The following ELMO1 variants were observed in gnomAD, a reference collection of about 807,000 sequenced individuals.
ELMO1 encodes the protein engulfment and cell motility protein 1.
In ELMO1, 26 loss-of-function variants were observed where a neutral mutation model predicts 98.9. The ratio of observed to expected loss-of-function variants is 0.26; its 90% confidence interval spans 0.19 to 0.36. The LOEUF (loss-of-function observed/expected upper bound fraction) is 0.36. Among genes scored for constraint, ELMO1 ranks in the 10% least tolerant of loss-of-function variants. The pLI, the probability that ELMO1 is intolerant of heterozygous loss-of-function variation, is 1.00. For missense variants in ELMO1, 627 were observed against 935.2 expected (o/e 0.67, Z 4.30); for synonymous variants, 346 against 346.0 (o/e 1.00, Z 0.00).
intron 16 of ELMO1, among the ~76,000 whole-genome samples, chr7:37,000,101 C>T (rs1041808572): frequency 6.6e-6 from 1 of 152,138 alleles, no homozygotes; most frequent in Non-Finnish European, 1.5e-5. Context: ...TAAAACAAGC[C>T]AAGAACCTTT....
At chr7:37,407,377 G>A (rs895578388) in intron 1 of ELMO1, among the ~76,000 whole-genome samples, 4 of 152,116 alleles carry the variant, frequency 2.6e-5, no homozygotes, top group Non-Finnish European at 4.4e-5. Context: ...GCGTGATGGT[G>A]GGTGCCTGTA....
intron 14 of ELMO1, among the ~76,000 whole-genome samples, chr7:37,114,452 G>A (rs1005122814): frequency 1.3e-5 from 2 of 152,120 alleles, no homozygotes; most frequent in African/African-American, 4.8e-5. Context: ...TTGGTAACTG[G>A]GTCTTAATGG....
chr7:36,876,472 T>G (rs1803992150), intron 19 of ELMO1, among the ~76,000 whole-genome samples: 1 of 152,126 alleles, frequency 6.6e-6, no homozygotes, highest in Non-Finnish European at 1.5e-5. Flanking sequence ...TTTTTAAAAT[T>G]ATTAGTGAAA....
intron 1 of ELMO1, among the ~76,000 whole-genome samples, chr7:37,381,040 G>A (rs1802558296): frequency 6.6e-6 from 1 of 152,066 alleles, no homozygotes. Flanking sequence ...CATGAAACAA[G>A]AAGACAGGGC....
chr7:37,188,056 A>C (rs1415411627), intron 13 of ELMO1, among the ~76,000 whole-genome samples: 2 of 152,088 alleles, frequency 1.3e-5, no homozygotes, highest in Non-Finnish European at 2.9e-5. Flanking sequence ...GGGTGCATTA[A>C]AATCTTGTCT....
intron 21 of ELMO1, among the ~76,000 whole-genome samples, chr7:36,858,632 A>C (rs151168930): frequency 1.8e-3 from 273 of 152,222 alleles, no homozygotes; most frequent in African/African-American, 6.4e-3. Flanking sequence ...GTAATCCCAA[A>C]GGTCCTTAAA....
At chr7:37,384,227 T>C (rs1194347606) in intron 1 of ELMO1, among the ~76,000 whole-genome samples, 1 of 152,234 alleles carries the variant, frequency 6.6e-6, no homozygotes, top group Admixed American at 6.5e-5. Context: ...TACAGATTAT[T>C]ACCTCTTTTA....
chr7:36,992,755 A>T (rs956657268), intron 16 of ELMO1, among the ~76,000 whole-genome samples: 4 of 152,206 alleles, frequency 2.6e-5, no homozygotes, highest in African/African-American at 9.6e-5. Flanking sequence ...CTACCTTTTG[A>T]GAAAAAAACT....
At chr7:37,082,431 C>T (rs1235604628) in intron 15 of ELMO1, among the ~76,000 whole-genome samples, 3 of 152,226 alleles carry the variant, frequency 2.0e-5, no homozygotes, top group East Asian at 1.9e-4. Context: ...CAGCCAGGTA[C>T]GGTGGCTCAT....
In ELMO1 at chr7:36,971,367, T is replaced by G. The variant is rs150887284; in HGVS notation, c.1437+41932A>C. On this transcript the variant is annotated intron_variant, in intron 16 of 21. Transcript: ENST00000310758. The stretch of plus-strand genomic sequence containing the variant: ...AAGCCTCCCTTTGAAAGAGGTCTAT[T>G]AAACAACCATCCCAAAGGATACACT... Among the ~76,000 whole-genome samples, 15 of 152,334 alleles carry G rather than the reference T, an allele frequency of 9.8e-5. No individual in the cohort carries two copies. The East Asian group carries it at 2.1e-3, about 22-fold the overall frequency.
At chr7:37,245,829 AG>A (rs1351213990) in intron 6 of ELMO1, among the ~76,000 whole-genome samples, 1 of 152,170 alleles carries the variant, frequency 6.6e-6, no homozygotes, top group Non-Finnish European at 1.5e-5. Context: ...ACAGGTCAAA[AG>A]GACACAGAAG....
intron 13 of ELMO1, among the ~76,000 whole-genome samples, chr7:37,158,914 C>T (rs1044109039): frequency 6.6e-6 from 1 of 152,096 alleles, no homozygotes; most frequent in Non-Finnish European, 1.5e-5. Flanking sequence ...AAATATCCAT[C>T]AATAATAGAC....
rs186059493 is a variant in ELMO1, at chr7:37,272,098, A to T, written c.193-216T>A. Among the ~76,000 whole-genome samples, 534 of 152,330 alleles carry T rather than the reference A, an allele frequency of 3.5e-3. 4 individuals carry two copies. Among genetic ancestry groups the T allele is most frequent in the Non-Finnish European group, 5.8e-3 (395 of 68,024 alleles). Reference sequence around the variant, plus strand: ...CCCAAAGAAAAGGAATATGGGTCCCAAGTATAGCAAACAAAAAAAGTAATT... The same window carrying T: ...CCCAAAGAAAAGGAATATGGGTCCCTAGTATAGCAAACAAAAAAAGTAATT... On this transcript the variant is annotated intron_variant, in intron 4 of 21. Transcript: ENST00000310758.
At chr7:37,126,278 C>G (rs774482183) in intron 14 of ELMO1, among the ~76,000 whole-genome samples, 30 of 140,664 alleles carry the variant, frequency 2.1e-4, no homozygotes, top group Admixed American at 7.3e-4. Context: ...CACATGTACC[C>G]TAGAACTTAA....
intron 17 of ELMO1, among the ~76,000 whole-genome samples, chr7:36,893,809 G>A: frequency 6.6e-6 from 1 of 152,028 alleles, no homozygotes; most frequent in Non-Finnish European, 1.5e-5. Flanking sequence ...TGGGAGTAAG[G>A]CCTGCCCATC....
intron 2 of ELMO1, among the ~76,000 whole-genome samples, chr7:37,320,007 G>A (rs1379574199): frequency 6.6e-6 from 1 of 152,170 alleles, no homozygotes; most frequent in East Asian, 1.9e-4. Context: ...TGTAATCCCA[G>A]CACTTTGGGA....
At chr7:37,163,855 T>A (rs902917719) in intron 13 of ELMO1, among the ~76,000 whole-genome samples, 1 of 152,218 alleles carries the variant, frequency 6.6e-6, no homozygotes, top group Non-Finnish European at 1.5e-5. Flanking sequence ...ATATACCCAG[T>A]AATGGGATGG....
intron 1 of ELMO1, among the ~76,000 whole-genome samples, chr7:37,378,859 T>C (rs930376217): frequency 6.6e-6 from 1 of 152,166 alleles, no homozygotes; most frequent in Non-Finnish European, 1.5e-5. Flanking sequence ...CCATCACTTT[T>C]GCTTGGACTC....
intron 1 of ELMO1, among the ~76,000 whole-genome samples, chr7:37,414,900 T>C (rs1804148722): frequency 6.6e-6 from 1 of 152,070 alleles, no homozygotes; most frequent in Admixed American, 6.5e-5. Context: ...CTAATAATCC[T>C]TTTTTTTCTT....
Sources: gnomAD v4.1 joint callset for allele counts (sites outside exome capture counted in the v4.1 genomes callset) on GRCh38, gnomAD v4.1.1 for gene constraint, MANE v1.5 for transcripts, NCBI Gene and HGNC (gene_info 2026-07-23, HGNC 2026-07-21) for gene names.